The following DSCAM variants were observed in gnomAD, a reference collection of about 807,000 sequenced individuals.
The protein encoded by DSCAM is DS cell adhesion molecule.
A neutral mutation model predicts 217.7 loss-of-function variants in DSCAM; 47 were observed. The observed-to-expected ratio is 0.22, with a 90% CI of 0.17 to 0.28. The LOEUF (loss-of-function observed/expected upper bound fraction) is 0.28, where lower values mean the gene tolerates loss of function less well. DSCAM is among the 10% of genes least tolerant of loss of function. The probability of loss-of-function intolerance (pLI) is 1.00; values close to 1 mark genes in which losing one functional copy is unlikely to be tolerated. For missense variants in DSCAM, 2,080 were observed against 2,618.3 expected, an observed-to-expected ratio of 0.79 and a Z score of 4.49; for synonymous variants, 1,056 against 1,015.3, an observed-to-expected ratio of 1.04 and a Z score of -0.76.
At chr21:40,530,879 GTCCATCCATCCATCCA>G (rs759529131) in intron 3 of DSCAM, among the ~76,000 whole-genome samples, 2 of 147,860 alleles carry the variant, frequency 1.4e-5, no homozygotes, top group African/African-American at 2.6e-5. Flanking sequence ...AGCCCTGCCT[GTCCATCCATCCATCCA>G]TCCATCCATC....
chr21:40,421,179 G>A lies in DSCAM; in HGVS notation c.509-51934C>T, dbSNP rs182614224. Among the ~76,000 whole-genome samples the A allele has an allele frequency of 3.2e-4, 48 of 152,222 alleles. No homozygotes were observed. In the East Asian group the frequency reaches 9.1e-3, roughly 29 times the overall value. On this transcript the variant is annotated intron_variant, in intron 3 of 32. Transcript: ENST00000400454. Reference sequence around the variant, plus strand: ...TTCAAGACTTGAGAGCCATGGAGAGGAGCTGGTATCACCACTGCCTGCAGC... The same window carrying A: ...TTCAAGACTTGAGAGCCATGGAGAGAAGCTGGTATCACCACTGCCTGCAGC...
chr21:40,378,848 C>T (rs955176877), intron 3 of DSCAM, among the ~76,000 whole-genome samples: 3 of 152,064 alleles, frequency 2.0e-5, no homozygotes, highest in African/African-American at 7.2e-5. Context: ...CCGCCTCGGC[C>T]TCCCAAAGTG....
chr21:40,710,711 C>A (rs886598790), intron 1 of DSCAM, among the ~76,000 whole-genome samples: 1 of 152,066 alleles, frequency 6.6e-6, no homozygotes. Flanking sequence ...TAAAACGTGA[C>A]TTCCAGAATT....
intron 11 of DSCAM, among the ~76,000 whole-genome samples, chr21:40,205,234 A>G (rs760857404): frequency 4.0e-5 from 6 of 150,882 alleles, no homozygotes; most frequent in Non-Finnish European, 7.4e-5. Flanking sequence ...TTCAGCTCCA[A>G]GGAAGATGAG....
At chr21:40,536,451 G>C (rs1224674442) in intron 3 of DSCAM, among the ~76,000 whole-genome samples, 10 of 150,408 alleles carry the variant, frequency 6.6e-5, no homozygotes, top group Non-Finnish European at 1.5e-4. Flanking sequence ...CCCCAGGCTG[G>C]AGTGCAGTGG....
intron 3 of DSCAM, among the ~76,000 whole-genome samples, chr21:40,557,766 G>T (rs1226988886): frequency 1.3e-5 from 2 of 152,138 alleles, no homozygotes; most frequent in African/African-American, 4.8e-5. Context: ...CATCAGAATT[G>T]TGAGCCAAGC....
chr21:40,683,909 G>A lies in DSCAM; in HGVS notation c.508+8901C>T, dbSNP rs571926074. Among the ~76,000 whole-genome samples the A allele has an allele frequency of 1.4e-4, 22 of 152,214 alleles. No homozygotes were observed. In the South Asian group the frequency reaches 4.6e-3, roughly 32 times the overall value. On this transcript the variant is annotated intron_variant, in intron 3 of 32. Coordinates refer to ENST00000400454, the MANE Select transcript of DSCAM (RefSeq NM_001389.5). ...CAGACGCGGGCGCAAAAACACCTGA[G>A]CATCCAGACAATCAGTGAAGAGCTG...
chr21:40,458,403 T>C (rs2075780408), intron 3 of DSCAM, among the ~76,000 whole-genome samples: 1 of 152,112 alleles, frequency 6.6e-6, no homozygotes, highest in Admixed American at 6.5e-5. Context: ...AAGTAGAACC[T>C]AGGTAATATG....
chr21:40,508,506 C>T (rs573362952), intron 3 of DSCAM, among the ~76,000 whole-genome samples: 77 of 151,934 alleles, frequency 5.1e-4, no homozygotes, highest in African/African-American at 1.8e-3. Context: ...GTTAACTAAA[C>T]AGTTTGGCAT....
chr21:40,719,023 G>A (rs570070048), intron 1 of DSCAM, among the ~76,000 whole-genome samples: 1 of 152,222 alleles, frequency 6.6e-6, no homozygotes, highest in South Asian at 2.1e-4. Flanking sequence ...GGCAGGGGTA[G>A]GAGGATCACT....
rs188961201 is a variant in DSCAM, at chr21:40,115,575, A to G, written c.3696+8620T>C. 3.1e-3 allele frequency among the ~76,000 whole-genome samples: 479 copies of G among 152,288 alleles called. 2 individuals carry two copies. Among genetic ancestry groups the G allele is most frequent in the African/African-American group, 0.011 (447 of 41,554 alleles). On this transcript the variant is annotated intron_variant, in intron 20 of 32. Coordinates refer to ENST00000400454, the MANE Select transcript of DSCAM (RefSeq NM_001389.5). ...AACTTACAGTATAATAATAAAAAAAAAGAAATGCAAATCAAAACCACGATG... is the reference window on the plus strand; with the variant it reads ...AACTTACAGTATAATAATAAAAAAAGAGAAATGCAAATCAAAACCACGATG...
intron 4 of DSCAM, among the ~76,000 whole-genome samples, chr21:40,366,581 T>C (rs1383888718): frequency 6.6e-6 from 1 of 152,200 alleles, no homozygotes; most frequent in Non-Finnish European, 1.5e-5. Context: ...TCAGTATTTT[T>C]TGTAGTTACT....
intron 1 of DSCAM, among the ~76,000 whole-genome samples, chr21:40,806,661 G>T (rs1231018896): frequency 6.6e-6 from 1 of 152,128 alleles, no homozygotes; most frequent in African/African-American, 2.4e-5. Context: ...TAGTGTTTCC[G>T]TATGTTTATT....
chr21:40,725,673 G>A (rs563535106), intron 1 of DSCAM, among the ~76,000 whole-genome samples: 4 of 152,302 alleles, frequency 2.6e-5, no homozygotes, highest in African/African-American at 9.6e-5. Context: ...GACCTCTGTG[G>A]AGGTGGAAAA....
At chr21:40,268,848 G>A (rs1385332149) in intron 11 of DSCAM, among the ~76,000 whole-genome samples, 1 of 152,040 alleles carries the variant, frequency 6.6e-6, no homozygotes, top group African/African-American at 2.4e-5. Context: ...CAGCTACTCG[G>A]GAAGCTGAGG....
intron 6 of DSCAM, among the ~76,000 whole-genome samples, chr21:40,343,585 C>T (rs752506537): frequency 2.2e-4 from 34 of 152,150 alleles, no homozygotes; most frequent in Middle Eastern, 6.8e-3. Flanking sequence ...GTGACTTACA[C>T]GGATTAGATT....
chr21:40,595,728 T>G (rs1037212622), intron 3 of DSCAM, among the ~76,000 whole-genome samples: 6 of 152,212 alleles, frequency 3.9e-5, no homozygotes, highest in African/African-American at 1.4e-4. Flanking sequence ...AAATATAGTT[T>G]ATTACATTGA....
chr21:40,106,865 T>A (rs2089827669), intron 20 of DSCAM, among the ~76,000 whole-genome samples: 1 of 151,508 alleles, frequency 6.6e-6, no homozygotes, highest in Non-Finnish European at 1.5e-5. Context: ...GTCACTTTTT[T>A]TCTTTATTAT....
intron 27 of DSCAM, among the ~76,000 whole-genome samples, chr21:40,065,058 T>C (rs1448292390): frequency 6.6e-6 from 1 of 152,056 alleles, no homozygotes; most frequent in Non-Finnish European, 1.5e-5. Flanking sequence ...TGGGTAACAT[T>C]ATAATGTGAA....
Sources: allele counts gnomAD v4.1 joint callset (sites outside exome capture counted in the v4.1 genomes callset), GRCh38; gene constraint gnomAD v4.1.1; transcripts MANE v1.5; gene names NCBI Gene and HGNC (gene_info 2026-07-23, HGNC 2026-07-21).